The following NETO1 variants were observed in gnomAD, a reference collection of about 807,000 sequenced individuals.
NETO1 encodes neuropilin and tolloid-like protein 1.
Under a neutral mutation model 61.3 loss-of-function variants are expected in NETO1, and 26 were observed. That is an observed-to-expected ratio of 0.42 (90% CI 0.31 to 0.59). The LOEUF (loss-of-function observed/expected upper bound fraction) is 0.59. Ranked by LOEUF, NETO1 falls within the 20% of genes least tolerant of loss-of-function variation. The pLI is 0.12. For synonymous variants in NETO1, 225 were observed against 225.8 expected, an observed-to-expected ratio of 1.00 and a Z score of 0.03; for missense variants, 531 against 662.8, an observed-to-expected ratio of 0.80 and a Z score of 2.18.
In NETO1 at chr18:72,748,063, T is replaced by G; in HGVS notation, c.*116A>C. On this transcript the variant is annotated 3_prime_UTR_variant, in exon 11 of 11. Coordinates refer to ENST00000327305, the MANE Select transcript of NETO1 (RefSeq NM_138966.5). ...AACAAATGTCTGTAATTCTTAAGTT[T>G]GGATAAAGGCAGTGGAATGAATTTA... The G allele has an allele frequency of 2.5e-6, 2 of 809,956 alleles. No homozygotes were observed. Among genetic ancestry groups the G allele is most frequent in the Non-Finnish European group, 3.0e-6 (2 of 669,622 alleles). 50.2% of individuals were successfully genotyped at this position (809,956 alleles called of 1,614,324 possible).
chr18:72,846,012 T>A (rs150018680), intron 4 of NETO1, among the ~76,000 whole-genome samples: 2 of 152,136 alleles, frequency 1.3e-5, no homozygotes, highest in African/African-American at 4.8e-5. Context: ...TCTATTCGTA[T>A]AATCACTACA....
intron 4 of NETO1, among the ~76,000 whole-genome samples, chr18:72,814,527 T>C (rs9949216): frequency 0.037 from 5,701 of 152,058 alleles, 362 homozygotes; most frequent in African/African-American, 0.13. Flanking sequence ...AAATGTAGGA[T>C]TGATCTAAAC....
chr18:72,820,197 A>G (rs528829055), intron 4 of NETO1, among the ~76,000 whole-genome samples: 3 of 152,384 alleles, frequency 2.0e-5, no homozygotes, highest in Non-Finnish European at 4.4e-5. Flanking sequence ...TTATATATAG[A>G]CAATGAGAGG....
chr18:72,834,210 G>A, intron 4 of NETO1: 2 of 617,804 alleles, frequency 3.2e-6, no homozygotes, highest in Non-Finnish European at 4.0e-6. Context: ...TTAGTGTACT[G>A]TAAAATACGT....
At chr18:72,762,308 G>A (rs752853701) in intron 7 of NETO1, among the ~76,000 whole-genome samples, 8 of 152,012 alleles carry the variant, frequency 5.3e-5, no homozygotes, top group Non-Finnish European at 7.4e-5. Context: ...TTACAGGCAT[G>A]CACCACCACG....
At chr18:72,801,659 A>G (rs934433551) in intron 4 of NETO1, among the ~76,000 whole-genome samples, 1 of 152,162 alleles carries the variant, frequency 6.6e-6, no homozygotes, top group African/African-American at 2.4e-5. Context: ...TTAAACTTCA[A>G]AATGTTTACT....
At chr18:72,743,175 T>C (rs72962342), downstream of NETO1, among the ~76,000 whole-genome samples, 787 of 152,284 alleles carry the variant, frequency 5.2e-3, 4 homozygotes, top group Middle Eastern at 0.017. Flanking sequence ...TCAGAAATCA[T>C]GATGTAAACT....
chr18:72,858,066 T>C (rs914900129), intron 4 of NETO1, among the ~76,000 whole-genome samples: 4 of 152,082 alleles, frequency 2.6e-5, no homozygotes, highest in Non-Finnish European at 4.4e-5. Flanking sequence ...ATATAAAAAA[T>C]GGGCTTTATG....
intron 9 of NETO1, 59 bp downstream of exon 9, chr18:72,750,003 T>C: frequency 8.0e-7 from 1 of 1,253,330 alleles, no homozygotes; most frequent in Non-Finnish European, 1.1e-6. Context: ...AAGACAATAC[T>C]CTGGAAGTAT....
chr18:72,756,253 C>T (rs2070779994), intron 7 of NETO1, 106 bp from the exon 8 acceptor site: 2 of 599,362 alleles, frequency 3.3e-6, no homozygotes, highest in South Asian at 4.6e-5. Context: ...TAATTTGCCA[C>T]AAACTGAGAT....
chr18:72,750,316 A>C lies in NETO1; in HGVS notation c.1287T>G (p.His429Gln), dbSNP rs2070552842. Residue 429 changes from histidine to glutamine, a missense_variant, in exon 9 of 11, where the codon CAT becomes CAG. Physicochemically the swap from His to Gln is conservative, Grantham distance 24. Transcript: ENST00000327305. Reference protein sequence around the residue: ...KLRRSSSKCIHDHHCGSQLSS... With the variant: ...KLRRSSSKCIQDHHCGSQLSS... ...ACAGCTGTGATCCACAGTGATGGTCATGAATGCATTTGGAAGATGACCTCC... is the reference window on the plus strand; with the variant it reads ...ACAGCTGTGATCCACAGTGATGGTCCTGAATGCATTTGGAAGATGACCTCC... 6.2e-7 allele frequency: 1 copy of C among 1,613,982 alleles called. No individual in the cohort carries two copies. The highest frequency in any genetic ancestry group is 1.3e-5 in the African/African-American group (1 of 74,926).
chr18:72,783,706 A>T lies in NETO1; in HGVS notation c.840T>A (p.Phe280Leu). 6.2e-7 allele frequency: 1 copy of T among 1,614,154 alleles called. No individual in the cohort carries two copies. The highest frequency in any genetic ancestry group is 8.5e-7 in the Non-Finnish European group (1 of 1,180,014). ...CTTGAAAGGATGTGAAGAGCATCTGAAATCGGCTGTTTCGACTGCCCTCAT... is the reference window on the plus strand; with the variant it reads ...CTTGAAAGGATGTGAAGAGCATCTGTAATCGGCTGTTTCGACTGCCCTCAT... ...WADEGSRNSR[F>L]QMLFTSFQEP... Residue 280 changes from phenylalanine to leucine, a missense_variant, in exon 7 of 11, where the codon TTT (phenylalanine) becomes TTA (leucine). Coordinates refer to ENST00000327305, the MANE Select transcript of NETO1 (RefSeq NM_138966.5).
At chr18:72,779,105 C>T (rs181452754) in intron 7 of NETO1, among the ~76,000 whole-genome samples, 6 of 152,198 alleles carry the variant, frequency 3.9e-5, no homozygotes, top group Non-Finnish European at 8.8e-5. Flanking sequence ...GAAAAATATC[C>T]AGGTACTTTC....
At chr18:72,855,128 G>C (rs4892053) in intron 4 of NETO1, among the ~76,000 whole-genome samples, 51,044 of 152,004 alleles carry the variant, frequency 0.34, 10,615 homozygotes, top group South Asian at 0.43. Context: ...ATTCCATGGC[G>C]TAACTTTTAA....
In NETO1 at chr18:72,749,176, A is replaced by G. The variant is rs117096199; in HGVS notation, c.1542-88T>C. On this transcript the variant is annotated intron_variant, in intron 9 of 10. Transcript: ENST00000327305. ...ATATTTACTCAAAAGCATTTTTAAA[A>G]TTCAGAAAACTGTGGAAATAGACTT... 6.8e-3 allele frequency: 5,696 copies of G among 843,628 alleles called. 32 individuals carry two copies. The highest frequency in any genetic ancestry group is 9.2e-3 in the Non-Finnish European group (4,524 of 490,820). 52.3% of individuals were successfully genotyped at this position (843,628 alleles called of 1,614,324 possible). A position where few individuals can be genotyped will look rare whatever the true frequency, so the allele number is the denominator to read the frequency against.
At chr18:72,785,751 A>T (rs1258762417) in intron 6 of NETO1, among the ~76,000 whole-genome samples, 2 of 152,190 alleles carry the variant, frequency 1.3e-5, no homozygotes, top group African/African-American at 4.8e-5. Flanking sequence ...TCCCAACATT[A>T]TAACCATTTT....
In NETO1 at chr18:72,770,090, A is replaced by G. The variant is rs142934730; in HGVS notation, c.868+13588T>C. ...ATTATTTCATATTTTTAACATTTTG[A>G]TAGATGAAAATGACTCATTAAATTA... On this transcript the variant is annotated intron_variant, in intron 7 of 10. Transcript: ENST00000327305. Among the ~76,000 whole-genome samples, 170 of 152,102 alleles carry G rather than the reference A, an allele frequency of 1.1e-3. 1 individual carries two copies. Among genetic ancestry groups the G allele is most frequent in the African/African-American group, 3.7e-3 (155 of 41,538 alleles).
chr18:72,761,090 T>C (rs1478927950), intron 7 of NETO1, among the ~76,000 whole-genome samples: 3 of 152,118 alleles, frequency 2.0e-5, no homozygotes, highest in Non-Finnish European at 4.4e-5. Flanking sequence ...TGTTAAGATG[T>C]ATGATATAAA....
chr18:72,748,588 G>A (rs2070486210), intron 10 of NETO1, among the ~76,000 whole-genome samples: 1 of 152,050 alleles, frequency 6.6e-6, no homozygotes, highest in South Asian at 2.1e-4. Flanking sequence ...GAGTACAATT[G>A]TTGCCAAATT....
Sources: allele counts gnomAD v4.1 joint callset (sites outside exome capture counted in the v4.1 genomes callset), GRCh38; gene constraint gnomAD v4.1.1; transcripts MANE v1.5; gene names NCBI Gene and HGNC (gene_info 2026-07-23, HGNC 2026-07-21).